PDZD2: variants seen among roughly 807,000 people sequenced by gnomAD.
PDZD2 encodes PDZ domain-containing protein 2.
A neutral mutation model predicts 220.7 loss-of-function variants in PDZD2; 90 were observed. The ratio of observed to expected loss-of-function variants is 0.41; its 90% CI spans 0.34 to 0.49. The LOEUF (loss-of-function observed/expected upper bound fraction) is 0.49. PDZD2 is among the 20% of genes least tolerant of loss of function. The probability of loss-of-function intolerance (pLI) is 0.28; values close to 1 mark genes in which losing one functional copy is unlikely to be tolerated. For missense variants in PDZD2, 3,174 were observed against 3,608.5 expected, an observed-to-expected ratio of 0.88 and a Z score of 3.08; for synonymous variants, 1,375 against 1,450.5, an observed-to-expected ratio of 0.95 and a Z score of 1.18.
chr5:31,930,695 G>T (rs1745203711), intron 2 of PDZD2, among the ~76,000 whole-genome samples: 1 of 152,200 alleles, frequency 6.6e-6, no homozygotes, highest in Non-Finnish European at 1.5e-5. Flanking sequence ...CAACTGAGGA[G>T]GTGAGAGTAG....
intron 1 of PDZD2, among the ~76,000 whole-genome samples, chr5:31,670,539 C>G (rs984044239): frequency 1.3e-5 from 2 of 152,146 alleles, no homozygotes; most frequent in South Asian, 4.2e-4. Flanking sequence ...GCCTCAGCCT[C>G]CCGAGTAGCT....
chr5:31,867,564 C>G (rs938756856), intron 2 of PDZD2, among the ~76,000 whole-genome samples: 4 of 152,098 alleles, frequency 2.6e-5, no homozygotes, highest in Non-Finnish European at 5.9e-5. Context: ...CTTCACGGGT[C>G]TATATTTAGT....
intron 4 of PDZD2, among the ~76,000 whole-genome samples, chr5:31,996,681 C>T (rs968297026): frequency 6.6e-6 from 1 of 152,182 alleles, no homozygotes; most frequent in African/African-American, 2.4e-5. Flanking sequence ...GCACTCCAGC[C>T]TGGGCAACAG....
At chr5:31,760,249 G>A (rs1751550358) in intron 1 of PDZD2, among the ~76,000 whole-genome samples, 1 of 152,204 alleles carries the variant, frequency 6.6e-6, no homozygotes, top group African/African-American at 2.4e-5. Flanking sequence ...CTCAGGAAAT[G>A]TGCTGACAGC....
intron 1 of PDZD2, among the ~76,000 whole-genome samples, chr5:31,678,901 C>G (rs950116578): frequency 6.6e-5 from 10 of 152,150 alleles, no homozygotes; most frequent in Non-Finnish European, 1.0e-4. Flanking sequence ...GCCACCATGC[C>G]CAGCCTATAT....
At chr5:31,770,073 G>T (rs1160913109) in intron 1 of PDZD2, among the ~76,000 whole-genome samples, 1 of 152,188 alleles carries the variant, frequency 6.6e-6, no homozygotes, top group Non-Finnish European at 1.5e-5. Flanking sequence ...TATTAGTCAG[G>T]CTGAAGAAAA....
intron 20 of PDZD2, among the ~76,000 whole-genome samples, chr5:32,091,472 A>T (rs535589637): frequency 6.6e-6 from 1 of 151,664 alleles, no homozygotes; most frequent in African/African-American, 2.4e-5. Context: ...TTTAATAGAG[A>T]CGGGGTTTCA....
At chr5:31,795,738 C>T (rs1019402430) in intron 1 of PDZD2, among the ~76,000 whole-genome samples, 4 of 152,158 alleles carry the variant, frequency 2.6e-5, no homozygotes, top group South Asian at 2.1e-4. Flanking sequence ...TCTTTTCTTA[C>T]GCCCTGAATC....
At chr5:32,043,486 A>G (rs753456438) in intron 7 of PDZD2, among the ~76,000 whole-genome samples, 7 of 152,240 alleles carry the variant, frequency 4.6e-5, no homozygotes, top group Non-Finnish European at 7.3e-5. Context: ...TATTTTGCCA[A>G]TAAACATGAG....
chr5:31,796,951 G>A (rs1459009929), intron 1 of PDZD2, among the ~76,000 whole-genome samples: 4 of 149,664 alleles, frequency 2.7e-5, no homozygotes, highest in African/African-American at 4.9e-5. Context: ...TTTTTGAGAC[G>A]GAGTCTGGCT....
intron 5 of PDZD2, among the ~76,000 whole-genome samples, chr5:32,010,029 A>G (rs1056583855): frequency 1.3e-5 from 2 of 148,686 alleles, no homozygotes; most frequent in African/African-American, 5.0e-5. Context: ...GGAGGTTGCA[A>G]TGAGCCGAGA....
chr5:31,856,536 A>G (rs942320325), intron 2 of PDZD2, among the ~76,000 whole-genome samples: 10 of 152,162 alleles, frequency 6.6e-5, no homozygotes, highest in Non-Finnish European at 1.5e-4. Context: ...CCTCCCTCTT[A>G]TCTAGAGTGA....
At chr5:31,726,980 C>T (rs1038211029) in intron 1 of PDZD2, among the ~76,000 whole-genome samples, 6 of 152,052 alleles carry the variant, frequency 3.9e-5, no homozygotes, top group African/African-American at 7.2e-5. Flanking sequence ...GAAGGTGAAG[C>T]GGAAGCAGGC....
chr5:32,004,290 A>T (rs1230857386), intron 5 of PDZD2, among the ~76,000 whole-genome samples: 1 of 152,152 alleles, frequency 6.6e-6, no homozygotes, highest in Non-Finnish European at 1.5e-5. Flanking sequence ...AATGGTATTA[A>T]GTTCCAAGTG....
At chr5:31,670,349 C>T (rs757485003) in intron 1 of PDZD2, among the ~76,000 whole-genome samples, 1 of 152,110 alleles carries the variant, frequency 6.6e-6, no homozygotes, top group Non-Finnish European at 1.5e-5. Context: ...ATTTACTGTG[C>T]CCAGGAGGTA....
chr5:32,014,934 T>TCA (rs199609503), intron 6 of PDZD2, among the ~76,000 whole-genome samples: 1 of 97,562 alleles, frequency 1.0e-5, no homozygotes, highest in Admixed American at 1.3e-4. Context: ...AGTCTCAATC[T>TCA]CTCTCTTTTT....
intron 1 of PDZD2, among the ~76,000 whole-genome samples, chr5:31,663,842 G>A (rs1222510358): frequency 6.6e-6 from 1 of 151,490 alleles, no homozygotes; most frequent in Admixed American, 6.6e-5. Flanking sequence ...TGGCTTTGGT[G>A]TGGAAGTTTA....
At chr5:31,687,339 A>G in intron 1 of PDZD2, among the ~76,000 whole-genome samples, 1 of 152,218 alleles carries the variant, frequency 6.6e-6, no homozygotes. Flanking sequence ...CATAGTACCT[A>G]AAAAATTACA....
At chr5:31,711,808 G>C (rs1004505134) in intron 1 of PDZD2, among the ~76,000 whole-genome samples, 1 of 152,220 alleles carries the variant, frequency 6.6e-6, no homozygotes, top group Non-Finnish European at 1.5e-5. Context: ...AGGCCTGCAG[G>C]CTTGTCTTTG....
Sources: allele counts gnomAD v4.1 joint callset (sites outside exome capture counted in the v4.1 genomes callset), GRCh38; gene constraint gnomAD v4.1.1; transcripts MANE v1.5; gene names NCBI Gene and HGNC (gene_info 2026-07-23, HGNC 2026-07-21).